Variants in IL1RAPL1 observed in about 807,000 individuals in gnomAD.
IL1RAPL1 encodes interleukin-1 receptor accessory protein-like 1.
IL1RAPL1 carries 3 observed loss-of-function variants against 48.4 expected under a neutral mutation model. The observed-to-expected ratio is 0.06, with a 90% CI of 0.03 to 0.16. The LOEUF is 0.16. IL1RAPL1 is among the 10% of genes least tolerant of loss of function. IL1RAPL1 has a pLI of 1.00. For missense variants in IL1RAPL1, 349 were observed against 530.6 expected (o/e 0.66, Z 3.36); for synonymous variants, 185 against 187.7 (o/e 0.99, Z 0.12).
At chrX:29,824,776 T>C (rs1930697200) in intron 6 of IL1RAPL1, among the ~76,000 whole-genome samples, 1 of 111,809 alleles carries the variant, frequency 8.9e-6, no homozygotes, top group African/African-American at 3.2e-5. Context: ...TTCCATCTTG[T>C]ACAAAAATCC....
At chrX:28,906,278 G>A (rs1002216607) in intron 2 of IL1RAPL1, among the ~76,000 whole-genome samples, 1 of 112,641 alleles carries the variant, frequency 8.9e-6, no homozygotes, top group Non-Finnish European at 1.9e-5. Flanking sequence ...TGAGATTTGG[G>A]TGGGGACATA....
At chrX:29,177,577 G>T (rs543600424) in intron 2 of IL1RAPL1, among the ~76,000 whole-genome samples, 1 of 111,696 alleles carries the variant, frequency 9.0e-6, no homozygotes, top group African/African-American at 3.2e-5. Context: ...TATTGTTTAA[G>T]GTACTGTATT....
intron 2 of IL1RAPL1, among the ~76,000 whole-genome samples, chrX:29,017,366 C>A (rs2054543107): frequency 8.9e-6 from 1 of 112,066 alleles, no homozygotes; most frequent in African/African-American, 3.2e-5. Context: ...CTCTCAAAAA[C>A]CTTTAATCAT....
At chrX:28,732,982 A>G (rs994564758) in intron 1 of IL1RAPL1, among the ~76,000 whole-genome samples, 1 of 111,258 alleles carries the variant, frequency 9.0e-6, no homozygotes, top group Non-Finnish European at 1.9e-5. Context: ...ATGATTTTCT[A>G]CCCGTGTGAG....
At chrX:29,037,380 A>G (rs1926752436) in intron 2 of IL1RAPL1, among the ~76,000 whole-genome samples, 1 of 111,686 alleles carries the variant, frequency 9.0e-6, no homozygotes, top group Non-Finnish European at 1.9e-5. Context: ...GTTCCTAGAT[A>G]GGGAGGAGCA....
chrX:29,947,240 A>G (rs1249900335), intron 9 of IL1RAPL1, among the ~76,000 whole-genome samples: 1 of 111,784 alleles, frequency 8.9e-6, no homozygotes, highest in Non-Finnish European at 1.9e-5. Context: ...TTGCTCCTCC[A>G]TGTCTCTGAA....
At chrX:29,762,095 A>G (rs1928765941) in intron 6 of IL1RAPL1, among the ~76,000 whole-genome samples, 1 of 112,081 alleles carries the variant, frequency 8.9e-6, no homozygotes, top group Non-Finnish European at 1.9e-5. Context: ...ATTAATTAGA[A>G]GAACAAATTG....
chrX:28,944,456 G>A (rs764652604), intron 2 of IL1RAPL1, among the ~76,000 whole-genome samples: 16 of 110,761 alleles, frequency 1.4e-4, no homozygotes, highest in African/African-American at 4.9e-4. Flanking sequence ...CACAATACAC[G>A]TTTCCTGGCT....
At chrX:29,237,062 T>G (rs1478633037) in intron 2 of IL1RAPL1, among the ~76,000 whole-genome samples, 2 of 111,210 alleles carry the variant, frequency 1.8e-5, no homozygotes, top group Admixed American at 9.6e-5. Flanking sequence ...TACAAATTCA[T>G]GCTCACAGCC....
At chrX:29,527,594 G>A (rs1401102932) in intron 5 of IL1RAPL1, among the ~76,000 whole-genome samples, 2 of 109,797 alleles carry the variant, frequency 1.8e-5, no homozygotes, top group African/African-American at 6.6e-5. Flanking sequence ...CAAAGTGCTG[G>A]GATTACAGGC....
At chrX:28,679,569 T>G (rs964247105) in intron 1 of IL1RAPL1, among the ~76,000 whole-genome samples, 19 of 111,815 alleles carry the variant, frequency 1.7e-4, no homozygotes, top group Non-Finnish European at 2.8e-4. Context: ...CTCTGTTTTC[T>G]TTTAATAGTT....
At chrX:29,445,714 T>G (rs2147722513) in intron 5 of IL1RAPL1, among the ~76,000 whole-genome samples, 1 of 112,054 alleles carries the variant, frequency 8.9e-6, no homozygotes, top group Admixed American at 9.5e-5. Flanking sequence ...CTCCATAAAA[T>G]AATTATGATG....
intron 2 of IL1RAPL1, among the ~76,000 whole-genome samples, chrX:29,259,959 C>T (rs887389232): frequency 1.8e-5 from 2 of 111,962 alleles, no homozygotes; most frequent in African/African-American, 3.2e-5. Context: ...GAGTATGGAA[C>T]TCCAGAAGAC....
intron 3 of IL1RAPL1, among the ~76,000 whole-genome samples, chrX:29,331,495 C>T (rs1932885140): frequency 9.0e-6 from 1 of 111,678 alleles, no homozygotes; most frequent in African/African-American, 3.3e-5. Context: ...AATATCTTGT[C>T]AGAGAAATAT....
intron 5 of IL1RAPL1, among the ~76,000 whole-genome samples, chrX:29,452,368 TGCATGTAATATATG>T (rs1272029473): frequency 8.9e-6 from 1 of 111,805 alleles, no homozygotes; most frequent in Non-Finnish European, 1.9e-5. Context: ...CTATTACATG[TGCATGTAATATATG>T]GCAGCAGGTA....
At chrX:29,800,271 C>T (rs1929842964) in intron 6 of IL1RAPL1, among the ~76,000 whole-genome samples, 1 of 110,805 alleles carries the variant, frequency 9.0e-6, no homozygotes, top group African/African-American at 3.3e-5. Flanking sequence ...CCACTGAACC[C>T]TCAACCACTC....
intron 5 of IL1RAPL1, among the ~76,000 whole-genome samples, chrX:29,629,067 C>G (rs1924695002): frequency 8.9e-6 from 1 of 111,894 alleles, no homozygotes; most frequent in Non-Finnish European, 1.9e-5. Context: ...GCTCCAGAAA[C>G]TACAGTTTTG....
intron 5 of IL1RAPL1, among the ~76,000 whole-genome samples, chrX:29,416,405 A>G (rs1934216585): frequency 9.0e-6 from 1 of 110,922 alleles, no homozygotes; most frequent in Non-Finnish European, 1.9e-5. Context: ...GTGTGGTGGC[A>G]CACACCTGTA....
chrX:29,880,183 A>T (rs951436282), intron 6 of IL1RAPL1, among the ~76,000 whole-genome samples: 4 of 111,718 alleles, frequency 3.6e-5, no homozygotes, highest in African/African-American at 1.3e-4. Flanking sequence ...TGCTACATTT[A>T]TTCCCTTATG....
Sources: gnomAD v4.1 joint callset for allele counts (sites outside exome capture counted in the v4.1 genomes callset) on GRCh38, gnomAD v4.1.1 for gene constraint, MANE v1.5 for transcripts, NCBI Gene and HGNC (gene_info 2026-07-23, HGNC 2026-07-21) for gene names.